The following SYNDIG1 variants were observed in gnomAD, a reference collection of about 807,000 sequenced individuals.
The protein encoded by SYNDIG1 is synapse differentiation inducing 1.
Under a neutral mutation model 19.4 loss-of-function variants are expected in SYNDIG1, and 9 were observed. That is an observed-to-expected ratio of 0.46 (90% CI 0.28 to 0.81). SYNDIG1 has a LOEUF of 0.81. SYNDIG1 is among the 30% of genes least tolerant of loss of function. SYNDIG1 has a pLI of 0.12. For synonymous variants in SYNDIG1, 141 were observed against 145.9 expected (o/e 0.97, Z 0.24); for missense variants, 311 against 343.3 (o/e 0.91, Z 0.74).
intron 1 of SYNDIG1, among the ~76,000 whole-genome samples, chr20:24,496,268 T>C (rs1352078077): frequency 1.3e-5 from 2 of 152,210 alleles, no homozygotes; most frequent in African/African-American, 4.8e-5. Context: ...CCGCCAGCTG[T>C]GGTGCTGATG....
intron 1 of SYNDIG1, among the ~76,000 whole-genome samples, chr20:24,523,178 A>G (rs2057043073): frequency 6.6e-6 from 1 of 152,234 alleles, no homozygotes; most frequent in Non-Finnish European, 1.5e-5. Context: ...CCAGCTCTGC[A>G]GCTTATAGGC....
chr20:24,528,543 T>G lies in SYNDIG1; in HGVS notation c.-78-14477T>G, dbSNP rs371089747. Reference sequence around the variant, plus strand: ...CTCTTCTTCTAAGATAGCACCTTATTACGTGTCCTCTGGAGGGGATGAACA... The same window carrying G: ...CTCTTCTTCTAAGATAGCACCTTATGACGTGTCCTCTGGAGGGGATGAACA... On this transcript the variant is annotated intron_variant, in intron 1 of 3. Coordinates refer to ENST00000376862, the MANE Select transcript of SYNDIG1 (RefSeq NM_024893.3). Among the ~76,000 whole-genome samples the G allele has an allele frequency of 4.6e-5, 7 of 152,292 alleles. No individual in the cohort carries two copies. The East Asian group carries it at 1.2e-3, about 25-fold the overall frequency.
chr20:24,566,032 G>A (rs149200315), intron 2 of SYNDIG1, among the ~76,000 whole-genome samples: 157 of 152,324 alleles, frequency 1.0e-3, no homozygotes, highest in African/African-American at 3.6e-3. Flanking sequence ...GGAGCCATGA[G>A]CAAGTGATTT....
intron 3 of SYNDIG1, among the ~76,000 whole-genome samples, chr20:24,624,769 G>T (rs1484649631): frequency 6.6e-6 from 1 of 152,130 alleles, no homozygotes; most frequent in Non-Finnish European, 1.5e-5. Context: ...GGCACGTGAA[G>T]CAGTCACAAT....
In SYNDIG1 at chr20:24,549,710, T is replaced by C. The variant is rs2057666875; in HGVS notation, c.480+6133T>C. On this transcript the variant is annotated intron_variant, in intron 2 of 3. Coordinates refer to ENST00000376862, the MANE Select transcript of SYNDIG1 (RefSeq NM_024893.3). ...CTTTTCGCAAGGACAGAGGGCTGGA[T>C]CCAGAGCTGTTGCCCAGCATCCTGG... Among the ~76,000 whole-genome samples the C allele has an allele frequency of 2.6e-5, 4 of 152,322 alleles. No individual in the cohort carries two copies. In the South Asian group the frequency reaches 8.3e-4, roughly 32 times the overall value.
intron 1 of SYNDIG1, among the ~76,000 whole-genome samples, chr20:24,530,288 G>C (rs1172802571): frequency 6.6e-6 from 1 of 152,148 alleles, no homozygotes; most frequent in East Asian, 1.9e-4. Flanking sequence ...TGACCCAGTG[G>C]TGCTGTGCTA....
At chr20:24,583,101 A>G (rs1307161777) in intron 2 of SYNDIG1, among the ~76,000 whole-genome samples, 1 of 152,244 alleles carries the variant, frequency 6.6e-6, no homozygotes, top group Non-Finnish European at 1.5e-5. Context: ...GGCTGGCTGC[A>G]CAGTGATTAG....
At chr20:24,481,770 A>G (rs899898489) in intron 1 of SYNDIG1, among the ~76,000 whole-genome samples, 1 of 152,216 alleles carries the variant, frequency 6.6e-6, no homozygotes. Flanking sequence ...ATTAGTCAAC[A>G]TGGAGCACTT....
At chr20:24,642,901 C>G (rs541988831) in intron 3 of SYNDIG1, among the ~76,000 whole-genome samples, 1 of 152,200 alleles carries the variant, frequency 6.6e-6, no homozygotes, top group East Asian at 1.9e-4. Flanking sequence ...TCTAGGCTCT[C>G]TCAGTGACAA....
At position 24,609,473 on chromosome 20, in the gene SYNDIG1, C is replaced by T. The variant is rs376501965; in HGVS notation, c.618+24480C>T. Among the ~76,000 whole-genome samples the T allele has an allele frequency of 1.4e-3, 207 of 152,244 alleles. 2 individuals carry two copies. The highest frequency in any genetic ancestry group is 4.9e-3 in the African/African-American group (205 of 41,524). ...ACTTGTATCAGTCCATATGTACGTCCCTGGAAGCTTTGCATTGTGGCAGCA... is the reference window on the plus strand; with the variant it reads ...ACTTGTATCAGTCCATATGTACGTCTCTGGAAGCTTTGCATTGTGGCAGCA... On this transcript the variant is annotated intron_variant, in intron 3 of 3. Coordinates refer to ENST00000376862, the MANE Select transcript of SYNDIG1 (RefSeq NM_024893.3).
At chr20:24,642,830 T>C (rs2059391346) in intron 3 of SYNDIG1, among the ~76,000 whole-genome samples, 1 of 152,114 alleles carries the variant, frequency 6.6e-6, no homozygotes, top group African/African-American at 2.4e-5. Flanking sequence ...CATTAGAGAA[T>C]AGGGTTCGAA....
intron 2 of SYNDIG1, among the ~76,000 whole-genome samples, chr20:24,575,976 C>CCA (rs2058221964): frequency 6.6e-6 from 1 of 152,148 alleles, no homozygotes; most frequent in African/African-American, 2.4e-5. Flanking sequence ...CATGGAGGCC[C>CCA]CAGGCCCTGA....
At chr20:24,539,264 G>A (rs1450094007) in intron 1 of SYNDIG1, among the ~76,000 whole-genome samples, 5 of 152,068 alleles carry the variant, frequency 3.3e-5, no homozygotes, top group South Asian at 4.1e-4. Context: ...TTTGGGATTG[G>A]TTTTTGAATA....
intron 3 of SYNDIG1, among the ~76,000 whole-genome samples, chr20:24,664,326 C>T (rs1023429351): frequency 5.9e-5 from 9 of 152,158 alleles, no homozygotes; most frequent in Admixed American, 4.6e-4. Context: ...CCATACTCAC[C>T]TATAAAACCT....
chr20:24,541,605 G>C (rs186072931), intron 1 of SYNDIG1, among the ~76,000 whole-genome samples: 185 of 152,278 alleles, frequency 1.2e-3, no homozygotes, highest in African/African-American at 4.3e-3. Context: ...AGTCTTATAA[G>C]ATGATGACAC....
rs557777870 is a variant in SYNDIG1, at chr20:24,665,520, A to AG, written c.*21dup. 1,837 of 1,613,736 alleles carry AG rather than the reference A, an allele frequency of 1.1e-3. 2 individuals carry two copies. Among genetic ancestry groups the AG allele is most frequent in the Non-Finnish European group, 1.3e-3 (1,585 of 1,179,912 alleles). On this transcript the variant is annotated 3_prime_UTR_variant, in exon 4 of 4. Transcript: ENST00000376862. ...CCACCTGTGAGCTTCCTGCGAATGG[A>AG]GGGGGAGCACCCGGGGCCAGGTCTG... is the stretch of plus-strand genomic sequence containing the variant.
Position 24,469,686 on chromosome 20 carries a change from CG to C in SYNDIG1, c.-145del, listed in dbSNP as rs2055357932. On this transcript the variant is annotated 5_prime_UTR_variant, in exon 1 of 4. Coordinates refer to ENST00000376862, the MANE Select transcript of SYNDIG1 (RefSeq NM_024893.3). ...GAGGCGGGCGCCGCACCGCCCCGCA[CG>C]CTCGCTCGCTCGGGAGAGTCGCGGG... 2 of 151,764 alleles carry C rather than the reference CG, an allele frequency of 1.3e-5. No individual in the cohort carries two copies. The highest frequency in any genetic ancestry group is 4.1e-4 in the South Asian group (2 of 4,838). The allele number at this position is 151,764 out of a possible 1,614,324, so 9.4% of individuals were successfully genotyped here.
chr20:24,557,449 G>A (rs916721655), intron 2 of SYNDIG1, among the ~76,000 whole-genome samples: 3 of 151,988 alleles, frequency 2.0e-5, no homozygotes, highest in Non-Finnish European at 2.9e-5. Flanking sequence ...TCTACTTTTG[G>A]TCTTTGATGA....
At chr20:24,663,819 G>A (rs541764664) in intron 3 of SYNDIG1, among the ~76,000 whole-genome samples, 5 of 152,106 alleles carry the variant, frequency 3.3e-5, no homozygotes, top group Non-Finnish European at 4.4e-5. Flanking sequence ...TGATCATGGC[G>A]GGGACACAAA....
Sources: gnomAD v4.1 joint callset for allele counts (sites outside exome capture counted in the v4.1 genomes callset) on GRCh38, gnomAD v4.1.1 for gene constraint, MANE v1.5 for transcripts, NCBI Gene and HGNC (gene_info 2026-07-23, HGNC 2026-07-21) for gene names.